Variants in IRAK3 observed in about 807,000 individuals in gnomAD.
IRAK3 encodes the protein interleukin 1 receptor associated kinase 3.
IRAK3 carries 57 observed loss-of-function variants against 56.6 expected under a neutral mutation model. The ratio of observed to expected loss-of-function variants is 1.01; its 90% CI spans 0.81 to 1.26. The LOEUF is 1.26. Ranked by LOEUF, IRAK3 falls within the 50% of genes most tolerant of loss-of-function variation. The pLI is 0.00. For synonymous variants in IRAK3, 258 were observed against 255.7 expected (o/e 1.01, Z -0.09); for missense variants, 703 against 719.0 (o/e 0.98, Z 0.25).
intron 1 of IRAK3, among the ~76,000 whole-genome samples, chr12:66,200,626 TG>T (rs2052497589): frequency 6.6e-6 from 1 of 152,198 alleles, no homozygotes; most frequent in Non-Finnish European, 1.5e-5. Flanking sequence ...ACAGCCTCAG[TG>T]GGAGCATAAA....
intron 4 of IRAK3, among the ~76,000 whole-genome samples, chr12:66,210,658 G>T (rs553989019): frequency 3.1e-4 from 47 of 152,216 alleles, no homozygotes; most frequent in South Asian, 1.9e-3. Flanking sequence ...GAATAATTTA[G>T]TTCCACCTGG....
intron 3 of IRAK3, 132 bp from the exon 4 acceptor site, chr12:66,210,015 C>T (rs2052596114): frequency 1.6e-6 from 1 of 630,288 alleles, no homozygotes; most frequent in African/African-American, 1.9e-5. Context: ...TTGATTTCTG[C>T]TAGCTTTCTT....
chr12:66,227,843 A>T (rs888163445), intron 7 of IRAK3, among the ~76,000 whole-genome samples: 1 of 151,962 alleles, frequency 6.6e-6, no homozygotes, highest in Non-Finnish European at 1.5e-5. Context: ...TCCTCGTTAG[A>T]TGTCTTTGGA....
Position 66,248,180 on chromosome 12 carries a change from A to G in IRAK3, c.*9A>G, listed in dbSNP as rs747906482. The G allele has an allele frequency of 1.2e-6, 2 of 1,603,790 alleles. No homozygotes were observed. Among genetic ancestry groups the G allele is most frequent in the Non-Finnish European group, 1.7e-6 (2 of 1,171,112 alleles). On this transcript the variant is annotated 3_prime_UTR_variant, in exon 12 of 12. Transcript: ENST00000261233. ...AGTACAAAAAAGAATAAATTCTACC[A>G]GAAGATAAAGAAAAAAGCAAGTATT...
At chr12:66,219,357 T>A (rs1411576183) in intron 6 of IRAK3, among the ~76,000 whole-genome samples, 1 of 145,490 alleles carries the variant, frequency 6.9e-6, no homozygotes, top group Non-Finnish European at 1.6e-5. Context: ...TGATAGTGAA[T>A]AAGTCTCACA....
chr12:66,215,631 A>AGTT (rs2052662499), intron 5 of IRAK3, among the ~76,000 whole-genome samples: 1 of 152,194 alleles, frequency 6.6e-6, no homozygotes, highest in Non-Finnish European at 1.5e-5. Context: ...TTTAGTTGCT[A>AGTT]GTTGTTACGA....
chr12:66,248,062 T>C lies in IRAK3; in HGVS notation c.1682T>C (p.Ile561Thr), dbSNP rs769964405. 2.5e-6 allele frequency: 4 copies of C among 1,589,198 alleles called. No homozygotes were observed. Among genetic ancestry groups the C allele is most frequent in the Non-Finnish European group, 3.4e-6 (4 of 1,170,708 alleles). Reference sequence around the variant, plus strand: ...GACTTAAGGCCCTATAAGGTAAATATAGATCCTTCTTCAGAAGCTCCAGGG... The same window carrying C: ...GACTTAAGGCCCTATAAGGTAAATACAGATCCTTCTTCAGAAGCTCCAGGG... ...SQDLRPYKVN[I>T]DPSSEAPGHS... The change falls in exon 12 of 12, where the codon ATA becomes ACA. Residue 561 changes from isoleucine to threonine, a missense_variant. By Grantham distance (89) the Ile-to-Thr change is moderately conservative (BLOSUM62 -1). Transcript: ENST00000261233.
chr12:66,215,785 T>TTC (rs2052665291), intron 5 of IRAK3, among the ~76,000 whole-genome samples: 1 of 31,204 alleles, frequency 3.2e-5, no homozygotes, highest in African/African-American at 1.3e-4. Context: ...TAACCCAACA[T>TTC]GCACACACAC....
chr12:66,236,781 A>G (rs979563726), intron 8 of IRAK3, among the ~76,000 whole-genome samples: 16 of 152,126 alleles, frequency 1.1e-4, no homozygotes, highest in African/African-American at 3.9e-4. Context: ...GGACTGTTAC[A>G]GGAGAACGTG....
chr12:66,250,422 G>A lies in IRAK3; in HGVS notation c.*2251G>A, dbSNP rs1051651071. On this transcript the variant is annotated 3_prime_UTR_variant, in exon 12 of 12. Transcript: ENST00000261233. ...ATTAACAGACCAAGGTCAGAAACAT[G>A]GAGTTACAATTTTCCAAAAAAGCAC... The A allele has an allele frequency of 2.6e-5, 4 of 152,186 alleles. No individual in the cohort carries two copies. Among genetic ancestry groups the A allele is most frequent in the African/African-American group, 9.7e-5 (4 of 41,428 alleles). The allele number at this position is 152,186 out of a possible 1,614,324, so 9.4% of individuals were successfully genotyped here.
chr12:66,239,771 A>G (rs1347961975), intron 8 of IRAK3, among the ~76,000 whole-genome samples: 2 of 152,220 alleles, frequency 1.3e-5, no homozygotes, highest in East Asian at 3.8e-4. Flanking sequence ...TAAATATGAC[A>G]TAAATTAAAA....
intron 8 of IRAK3, among the ~76,000 whole-genome samples, chr12:66,237,004 G>A (rs138840114): frequency 7.9e-5 from 12 of 152,054 alleles, no homozygotes; most frequent in Non-Finnish European, 1.8e-4. Context: ...TAGCGATCTC[G>A]TTGTTGTCCC....
Position 66,247,689 on chromosome 12 carries a change from T to A in IRAK3, c.1315-6T>A, listed in dbSNP as rs2053049040. 1 of 1,564,806 alleles carries A rather than the reference T, an allele frequency of 6.4e-7. No homozygotes were observed. The highest frequency in any genetic ancestry group is 1.4e-5 in the African/African-American group (1 of 73,884). On this transcript the variant is annotated splice_region_variant and splice_polypyrimidine_tract_variant and intron_variant, in intron 11 of 11. Coordinates refer to ENST00000261233, the MANE Select transcript of IRAK3 (RefSeq NM_007199.3). ...ATTTAATGTCTGTTTGCTTCTTTGT[T>A]ATTAGGTTTTAAATACTCTTGAAAG... is the stretch of plus-strand genomic sequence containing the variant.
chr12:66,203,710 G>T lies in IRAK3; in HGVS notation c.134-1G>T. 1.2e-6 allele frequency: 2 copies of T among 1,613,814 alleles called. No homozygotes were observed. Among genetic ancestry groups the T allele is most frequent in the Non-Finnish European group, 1.7e-6 (2 of 1,179,782 alleles). ...CTTTGTTTATATTGCAATTTCCACA[G>T]CAGAGAGACTTTCAAGCAGCTGGCT... On this transcript the variant is annotated splice_acceptor_variant, in intron 1 of 11. Transcript: ENST00000261233. LOFTEE classifies it high-confidence loss of function.
chr12:66,195,363 T>C (rs2052440963), intron 1 of IRAK3, among the ~76,000 whole-genome samples: 2 of 152,176 alleles, frequency 1.3e-5, no homozygotes, highest in Non-Finnish European at 2.9e-5. Flanking sequence ...GCCCTTGACC[T>C]CCTTGAGTGT....
intron 2 of IRAK3, 133 bp from the exon 3 acceptor site, chr12:66,209,323 G>T (rs1475376611): frequency 4.6e-6 from 3 of 656,904 alleles, no homozygotes; most frequent in Non-Finnish European, 8.3e-6. Context: ...CAAATTTATC[G>T]TAATGTTGCA....
Position 66,249,611 on chromosome 12 carries a change from G to C in IRAK3, c.*1440G>C, listed in dbSNP as rs1424287669. 1 of 152,256 alleles carries C rather than the reference G, an allele frequency of 6.6e-6. No individual in the cohort carries two copies. The highest frequency in any genetic ancestry group is 2.4e-5 in the African/African-American group (1 of 41,414). The allele number at this position is 152,256 out of a possible 1,614,324, so 9.4% of individuals were successfully genotyped here. A position where few individuals can be genotyped will look rare whatever the true frequency, so the allele number is the denominator to read the frequency against. On this transcript the variant is annotated 3_prime_UTR_variant, in exon 12 of 12. Coordinates refer to ENST00000261233, the MANE Select transcript of IRAK3 (RefSeq NM_007199.3). ...GAATTCCTTAGCATTCTTTCTGGAG[G>C]CTGTTGGGGAGAACTCACTGCCTTG...
intron 8 of IRAK3, among the ~76,000 whole-genome samples, chr12:66,232,573 G>A (rs2052854976): frequency 1.3e-5 from 2 of 152,074 alleles, no homozygotes; most frequent in African/African-American, 4.8e-5. Context: ...CAGCAGCCTC[G>A]GCCAGATGTG....
At chr12:66,234,921 C>A (rs952976704) in intron 8 of IRAK3, 2 of 1,614,056 alleles carry the variant, frequency 1.2e-6, no homozygotes, top group African/African-American at 2.7e-5. Flanking sequence ...ACCCCACTGG[C>A]CTTCAGGGCA....
Sources: allele counts gnomAD v4.1 joint callset (sites outside exome capture counted in the v4.1 genomes callset), GRCh38; gene constraint gnomAD v4.1.1; transcripts MANE v1.5; gene names NCBI Gene and HGNC (gene_info 2026-07-23, HGNC 2026-07-21).